Variants in CNTNAP5 observed in about 807,000 individuals in gnomAD.
CNTNAP5 encodes the protein contactin-associated protein-like 5.
Under a neutral mutation model 150.2 loss-of-function variants are expected in CNTNAP5, and 72 were observed. The observed-to-expected ratio is 0.48, with a 90% CI of 0.40 to 0.58. The LOEUF (loss-of-function observed/expected upper bound fraction) is 0.58. CNTNAP5 is among the 20% of genes least tolerant of loss of function. CNTNAP5 has a pLI of 0.00. For missense variants in CNTNAP5, 1,636 were observed against 1,626.2 expected (o/e 1.01, Z -0.10); for synonymous variants, 672 against 619.8 (o/e 1.08, Z -1.25).
At chr2:124,362,814 C>T (rs1020139810) in intron 3 of CNTNAP5, among the ~76,000 whole-genome samples, 5 of 152,182 alleles carry the variant, frequency 3.3e-5, no homozygotes, top group African/African-American at 1.2e-4. Flanking sequence ...GATTTTACGC[C>T]TCATGAGCAC....
At chr2:124,704,852 C>G (rs1679600549) in intron 13 of CNTNAP5, among the ~76,000 whole-genome samples, 1 of 152,048 alleles carries the variant, frequency 6.6e-6, no homozygotes, top group Non-Finnish European at 1.5e-5. Context: ...TTTGTGCCAG[C>G]TGATGCCACT....
At chr2:124,323,406 G>A (rs903086544) in intron 3 of CNTNAP5, among the ~76,000 whole-genome samples, 26 of 152,316 alleles carry the variant, frequency 1.7e-4, no homozygotes, top group East Asian at 1.9e-4. Flanking sequence ...ACAAGTGAGA[G>A]AATCTTGTGT....
intron 3 of CNTNAP5, among the ~76,000 whole-genome samples, chr2:124,284,049 C>T (rs139114038): frequency 6.6e-6 from 1 of 152,250 alleles, no homozygotes; most frequent in African/African-American, 2.4e-5. Flanking sequence ...CATTGTTCAG[C>T]TCCCACTTAT....
At chr2:124,363,858 A>G (rs1690290247) in intron 3 of CNTNAP5, among the ~76,000 whole-genome samples, 1 of 152,160 alleles carries the variant, frequency 6.6e-6, no homozygotes, top group African/African-American at 2.4e-5. Flanking sequence ...GTGTGTAGCA[A>G]TTATATCTTA....
intron 8 of CNTNAP5, among the ~76,000 whole-genome samples, chr2:124,512,058 A>G (rs1255913384): frequency 6.6e-6 from 1 of 151,806 alleles, no homozygotes; most frequent in African/African-American, 2.4e-5. Flanking sequence ...TATTGGTTGT[A>G]GGTACTGAAG....
chr2:124,562,585 G>A (rs1044969478), intron 10 of CNTNAP5, among the ~76,000 whole-genome samples: 2 of 152,072 alleles, frequency 1.3e-5, no homozygotes, highest in Admixed American at 1.3e-4. Flanking sequence ...AATATTTTAT[G>A]GAGTTTTTAA....
chr2:124,440,349 T>C (rs1361433987), intron 5 of CNTNAP5, among the ~76,000 whole-genome samples: 1 of 152,188 alleles, frequency 6.6e-6, no homozygotes, highest in African/African-American at 2.4e-5. Context: ...GAATGACTTT[T>C]TTTTTGTCAA....
chr2:124,111,675 G>A (rs533897018), intron 1 of CNTNAP5, among the ~76,000 whole-genome samples: 2 of 152,258 alleles, frequency 1.3e-5, no homozygotes, highest in South Asian at 2.1e-4. Context: ...TTCAAAACTC[G>A]AAGGCCCAAG....
chr2:124,434,468 C>A lies in CNTNAP5; in HGVS notation c.530-16C>A. The A allele has an allele frequency of 6.2e-7, 1 of 1,606,838 alleles. No individual in the cohort carries two copies. The highest frequency in any genetic ancestry group is 1.1e-5 in the South Asian group (1 of 90,948). On this transcript the variant is annotated splice_polypyrimidine_tract_variant and intron_variant, in intron 4 of 23. Transcript: ENST00000682447. Reference sequence around the variant, plus strand: ...TATGCACTAATTTTTCTTTCCCGCTCCTTCTTTGTTCCCAGAATCAGATGT... The same window carrying A: ...TATGCACTAATTTTTCTTTCCCGCTACTTCTTTGTTCCCAGAATCAGATGT...
At chr2:124,200,975 T>C (rs537562610) in intron 1 of CNTNAP5, among the ~76,000 whole-genome samples, 1 of 152,310 alleles carries the variant, frequency 6.6e-6, no homozygotes, top group East Asian at 1.9e-4. Context: ...CCAAGTGATG[T>C]CAATATTTCT....
chr2:124,892,485 C>T (rs1416347907), intron 21 of CNTNAP5, among the ~76,000 whole-genome samples: 1 of 152,036 alleles, frequency 6.6e-6, no homozygotes, highest in Non-Finnish European at 1.5e-5. Flanking sequence ...GAAAAAAATT[C>T]AAGAGACAAA....
intron 1 of CNTNAP5, among the ~76,000 whole-genome samples, chr2:124,057,816 CA>C (rs915213175): frequency 6.6e-6 from 1 of 151,750 alleles, no homozygotes; most frequent in East Asian, 1.9e-4. Context: ...TTAATGGGTA[CA>C]AAAAGTAGTT....
At chr2:124,313,078 CTG>C (rs1401974850) in intron 3 of CNTNAP5, among the ~76,000 whole-genome samples, 1 of 152,220 alleles carries the variant, frequency 6.6e-6, no homozygotes, top group Non-Finnish European at 1.5e-5. Flanking sequence ...CTGGAAATTA[CTG>C]TGTGTGCATT....
intron 1 of CNTNAP5, among the ~76,000 whole-genome samples, chr2:124,207,011 A>G (rs2104718643): frequency 6.6e-6 from 1 of 152,342 alleles, no homozygotes; most frequent in Admixed American, 6.5e-5. Flanking sequence ...TGTATGGCAA[A>G]TATGATGTTT....
intron 10 of CNTNAP5, among the ~76,000 whole-genome samples, chr2:124,534,824 G>A (rs4283428): frequency 6.6e-6 from 1 of 152,038 alleles, no homozygotes; most frequent in African/African-American, 2.4e-5. Flanking sequence ...TTTATCAGCA[G>A]GGTCTTTATG....
rs576836766 is a variant in CNTNAP5, at chr2:124,881,265, G to T, written c.3436+11503G>T. Among the ~76,000 whole-genome samples, 40 of 152,200 alleles carry T rather than the reference G, an allele frequency of 2.6e-4. No individual in the cohort carries two copies. In the South Asian group the frequency reaches 7.0e-3, roughly 27 times the overall value. On this transcript the variant is annotated intron_variant, in intron 21 of 23. Transcript: ENST00000682447. ...AGGCTATGCTAATGCCTAACCTTTG[G>T]ATACGAAAGAGATAGCAATGGAACA...
chr2:124,641,226 T>C (rs1285602285), intron 12 of CNTNAP5, among the ~76,000 whole-genome samples: 2 of 151,746 alleles, frequency 1.3e-5, no homozygotes, highest in African/African-American at 4.8e-5. Flanking sequence ...TATTCAGTGT[T>C]TATGACAACA....
chr2:124,619,130 T>A (rs1566809), intron 12 of CNTNAP5, among the ~76,000 whole-genome samples: 61,031 of 151,716 alleles, frequency 0.4, 14,313 homozygotes, highest in Non-Finnish European at 0.54. Context: ...AAATCTGGAA[T>A]GGATGCAGAG....
chr2:124,564,596 C>T (rs111281571), intron 11 of CNTNAP5, among the ~76,000 whole-genome samples: 3 of 152,176 alleles, frequency 2.0e-5, no homozygotes, highest in Middle Eastern at 3.4e-3. Context: ...CCTCGTGTTC[C>T]GCCTGCCTCA....
Sources: gnomAD v4.1 joint callset for allele counts (sites outside exome capture counted in the v4.1 genomes callset) on GRCh38, gnomAD v4.1.1 for gene constraint, MANE v1.5 for transcripts, NCBI Gene and HGNC (gene_info 2026-07-23, HGNC 2026-07-21) for gene names.